RBPJ: variants seen among roughly 807,000 people sequenced by gnomAD.
RBPJ encodes recombining binding protein suppressor of hairless.
A neutral mutation model predicts 67.8 loss-of-function variants in RBPJ; 9 were observed. That is an observed-to-expected ratio of 0.13 (90% CI 0.08 to 0.23). RBPJ has a LOEUF of 0.23. Among genes scored for constraint, RBPJ ranks in the 10% least tolerant of loss-of-function variants. The pLI, the probability that RBPJ is intolerant of heterozygous loss-of-function variation, is 1.00. For synonymous variants in RBPJ, 198 were observed against 203.3 expected (o/e 0.97, Z 0.22); for missense variants, 305 against 595.6 (o/e 0.51, Z 5.08).
intron 2 of RBPJ, among the ~76,000 whole-genome samples, chr4:26,390,750 G>A (rs867350110): frequency 1.3e-5 from 2 of 152,158 alleles, no homozygotes; most frequent in Non-Finnish European, 2.9e-5. Context: ...TCTTCAGGTA[G>A]AAGACCTAAT....
At chr4:26,253,960 C>T (rs1255000205) in intron 1 of RBPJ, among the ~76,000 whole-genome samples, 2 of 148,988 alleles carry the variant, frequency 1.3e-5, no homozygotes, top group African/African-American at 5.2e-5. Flanking sequence ...TGATGATAGT[C>T]ATGTTTAAAG....
intron 1 of RBPJ, 89 bp downstream of exon 1, chr4:26,321,137 C>T: frequency 1.9e-6 from 2 of 1,039,714 alleles, no homozygotes; most frequent in Non-Finnish European, 2.8e-6. Flanking sequence ...GGGGCCGCGG[C>T]GCGCTTGGCG....
At chr4:26,157,937 C>G in the RBPJ span, among the ~76,000 whole-genome samples, 1 of 152,172 alleles carries the variant, frequency 6.6e-6, no homozygotes, top group Non-Finnish European at 1.5e-5. Flanking sequence ...CTCAATTGAG[C>G]TACCAGATAG....
intron 1 of RBPJ, among the ~76,000 whole-genome samples, chr4:26,178,272 A>C (rs1560198763): frequency 6.6e-6 from 1 of 152,182 alleles, no homozygotes; most frequent in Non-Finnish European, 1.5e-5. Flanking sequence ...CTGGAGAACC[A>C]CTGGACTCAG....
chr4:26,110,555 T>A, the RBPJ span, among the ~76,000 whole-genome samples: 4 of 152,212 alleles, frequency 2.6e-5, no homozygotes, highest in African/African-American at 4.8e-5. The surrounding 1 kb of genome is among the most constrained non-coding windows in gnomAD (Gnocchi z 4.5). Flanking sequence ...CCTTTGCACA[T>A]CCTCTTATAA....
At chr4:26,320,989 A>G (rs760654534), upstream of RBPJ, 15 of 1,611,892 alleles carry the variant, frequency 9.3e-6, no homozygotes, top group African/African-American at 1.3e-5. Context: ...GTCGGGGGGA[A>G]TCTCGCGAGG....
chr4:26,342,448 A>G (rs1489147882), intron 1 of RBPJ, among the ~76,000 whole-genome samples: 1 of 152,164 alleles, frequency 6.6e-6, no homozygotes, highest in Non-Finnish European at 1.5e-5. Context: ...TTTCAGTTCC[A>G]TTGCTGCTTT....
chr4:26,211,174 C>T (rs1420335307), intron 1 of RBPJ, among the ~76,000 whole-genome samples: 6 of 152,102 alleles, frequency 3.9e-5, no homozygotes, highest in Admixed American at 3.9e-4. Context: ...TAGAAAGTAC[C>T]ATATGCACGT....
At chr4:26,414,499 C>G (rs1363475442) in intron 3 of RBPJ, among the ~76,000 whole-genome samples, 1 of 152,122 alleles carries the variant, frequency 6.6e-6, no homozygotes, top group Non-Finnish European at 1.5e-5. Flanking sequence ...ACGCGCCGTT[C>G]ACCCATTTAT....
chr4:26,109,685 C>A, the RBPJ span, among the ~76,000 whole-genome samples: 1 of 61,832 alleles, frequency 1.6e-5, no homozygotes, highest in East Asian at 5.1e-4. Context: ...TATATATATA[C>A]AGCCACTGTG....
At position 26,264,258 on chromosome 4, in the gene RBPJ, T is replaced by C. The variant is rs1055211219; in HGVS notation, c.-166-98188T>C. On this transcript the variant is annotated intron_variant, in intron 1 of 4. Transcript: ENST00000512351. The surrounding 1 kb of genome is among the most constrained non-coding windows in gnomAD (Gnocchi z 4.1). ...ATGTGTTGAATTAATCAATGAATAC[T>C]TATTAATTCAAATCAATGAATACTT... is the stretch of plus-strand genomic sequence containing the variant. Among the ~76,000 whole-genome samples the C allele has an allele frequency of 2.0e-5, 3 of 152,228 alleles. No homozygotes were observed. The highest frequency in any genetic ancestry group is 7.2e-5 in the African/African-American group (3 of 41,464).
At chr4:26,153,330 T>C in the RBPJ span, among the ~76,000 whole-genome samples, 4 of 152,102 alleles carry the variant, frequency 2.6e-5, no homozygotes, top group South Asian at 2.1e-4. Context: ...AGTGAAAAAA[T>C]AGAGTGTTCA....
intron 1 of RBPJ, among the ~76,000 whole-genome samples, chr4:26,354,639 C>T (rs896948139): frequency 6.6e-6 from 1 of 151,572 alleles, no homozygotes. Context: ...TAGTAGAGAC[C>T]GGGTTTCTCC....
At chr4:26,184,463 A>AG (rs1717152267) in intron 1 of RBPJ, among the ~76,000 whole-genome samples, 1 of 152,174 alleles carries the variant, frequency 6.6e-6, no homozygotes, top group Non-Finnish European at 1.5e-5. Flanking sequence ...TGCTGAAGGC[A>AG]GGCCAAGGTG....
chr4:26,388,457 C>T (rs1181084460), intron 2 of RBPJ, among the ~76,000 whole-genome samples: 3 of 152,172 alleles, frequency 2.0e-5, no homozygotes, highest in Non-Finnish European at 4.4e-5. Context: ...CAGCAATAGA[C>T]CATGTGTAAA....
At chr4:26,224,387 G>A (rs1006055435) in intron 1 of RBPJ, among the ~76,000 whole-genome samples, 8 of 151,934 alleles carry the variant, frequency 5.3e-5, no homozygotes, top group Non-Finnish European at 4.4e-5. Context: ...GCACCACCAT[G>A]CCAAACTAAT....
chr4:26,146,207 A>T, the RBPJ span, among the ~76,000 whole-genome samples: 8 of 152,328 alleles, frequency 5.3e-5, no homozygotes, highest in South Asian at 4.1e-4. Flanking sequence ...TCGGCCTCCC[A>T]AAGTGCTGAG....
At chr4:26,383,159 A>G (rs987907992) in intron 1 of RBPJ, among the ~76,000 whole-genome samples, 2 of 152,032 alleles carry the variant, frequency 1.3e-5, no homozygotes, top group African/African-American at 4.8e-5. Flanking sequence ...TTTTGCACAT[A>G]TTTTCTGTGG....
At chr4:26,259,524 A>G (rs569314405) in intron 1 of RBPJ, among the ~76,000 whole-genome samples, 8 of 152,086 alleles carry the variant, frequency 5.3e-5, no homozygotes, top group Non-Finnish European at 1.0e-4. Flanking sequence ...CCATGTTTCA[A>G]CTCCTACAGC....
Sources: gnomAD v4.1 joint callset for allele counts (sites outside exome capture counted in the v4.1 genomes callset) on GRCh38, gnomAD v4.1.1 for gene constraint, Gnocchi (gnomAD v3.1) non-coding constraint, MANE v1.5 for transcripts, NCBI Gene and HGNC (gene_info 2026-07-23, HGNC 2026-07-21) for gene names.